GDE1: variants seen among roughly 807,000 people sequenced by gnomAD.
GDE1 encodes RGS16-interacting membrane protein.
GDE1 carries 24 observed loss-of-function variants against 32.2 expected under a neutral mutation model. The ratio of observed to expected loss-of-function variants is 0.75; its 90% confidence interval spans 0.54 to 1.05. The LOEUF (loss-of-function observed/expected upper bound fraction) is 1.05. Ranked by LOEUF, GDE1 falls within the 50% of genes least tolerant of loss-of-function variation. The pLI is 0.00. For synonymous variants in GDE1, 159 were observed against 158.6 expected, an observed-to-expected ratio of 1.00 and a Z score of -0.02; for missense variants, 380 against 415.0, an observed-to-expected ratio of 0.92 and a Z score of 0.73.
At chr16:19,515,343 C>A (rs1969368157) in intron 2 of GDE1, among the ~76,000 whole-genome samples, 1 of 152,124 alleles carries the variant, frequency 6.6e-6, no homozygotes, top group African/African-American at 2.4e-5. Context: ...ACACTCTGTT[C>A]CAATAGTGGA....
At chr16:19,507,851 A>C in intron 3 of GDE1, 72 bp from the exon 4 acceptor site, 1 of 726,714 alleles carries the variant, frequency 1.4e-6, no homozygotes, top group Non-Finnish European at 2.4e-6. Flanking sequence ...AATAACTATC[A>C]CATATTAAGT....
intron 3 of GDE1, among the ~76,000 whole-genome samples, chr16:19,508,641 TTC>T (rs1555487939): frequency 3.3e-5 from 5 of 152,178 alleles, no homozygotes; most frequent in African/African-American, 7.2e-5. Flanking sequence ...GCATTTTTTT[TTC>T]TGTTTGAACA....
intron 5 of GDE1, 25 bp from the exon 6 acceptor site, chr16:19,503,642 T>G: frequency 6.2e-7 from 1 of 1,603,954 alleles, no homozygotes; most frequent in Non-Finnish European, 8.5e-7. Context: ...AAGCCAATCC[T>G]GTTAGAATAA....
intron 3 of GDE1, among the ~76,000 whole-genome samples, chr16:19,508,532 G>A (rs1324675394): frequency 6.6e-6 from 1 of 152,140 alleles, no homozygotes; most frequent in Non-Finnish European, 1.5e-5. Context: ...AACCAAATAT[G>A]ATGAGCAAAA....
Position 19,510,994 on chromosome 16 carries a change from C to T in GDE1, c.438-50G>A, listed in dbSNP as rs184445084. On this transcript the variant is annotated intron_variant, in intron 2 of 5. Coordinates refer to ENST00000353258, the MANE Select transcript of GDE1 (RefSeq NM_016641.4). Reference sequence around the variant, plus strand: ...GTAGGAAAAAAGAGAAACAGATAAACTGTATTGCAACAAACATTTTGCATA... The same window carrying T: ...GTAGGAAAAAAGAGAAACAGATAAATTGTATTGCAACAAACATTTTGCATA... 45 of 884,766 alleles carry T rather than the reference C, an allele frequency of 5.1e-5. No individual in the cohort carries two copies. The African/African-American group carries it at 6.3e-4, about 12-fold the overall frequency. The allele number at this position is 884,766 out of a possible 1,614,324, so 54.8% of individuals were successfully genotyped here.
intron 3 of GDE1, among the ~76,000 whole-genome samples, chr16:19,509,919 G>A (rs1226575479): frequency 6.6e-6 from 1 of 151,938 alleles, no homozygotes; most frequent in Non-Finnish European, 1.5e-5. Flanking sequence ...CCAAAGTGCT[G>A]GGATTACAGG....
chr16:19,518,063 T>C (rs1484665019), intron 1 of GDE1, among the ~76,000 whole-genome samples: 1 of 152,062 alleles, frequency 6.6e-6, no homozygotes, highest in African/African-American at 2.4e-5. Context: ...AATTTTTGTA[T>C]TTTTTGTAGA....
intron 5 of GDE1, 64 bp from the exon 6 acceptor site, chr16:19,503,681 G>T (rs1429195372): frequency 7.3e-7 from 1 of 1,365,482 alleles, no homozygotes; most frequent in Admixed American, 1.7e-5. Flanking sequence ...ATCCATAATG[G>T]CCACTAAGTA....
intron 2 of GDE1, among the ~76,000 whole-genome samples, chr16:19,511,331 T>C (rs910063901): frequency 1.3e-5 from 2 of 152,176 alleles, no homozygotes; most frequent in African/African-American, 2.4e-5. Flanking sequence ...CTTGAACTCC[T>C]GACCTCAAGT....
At position 19,511,293 on chromosome 16, in the gene GDE1, G is replaced by A. The variant is rs751531585; in HGVS notation, c.438-349C>T. Among the ~76,000 whole-genome samples the A allele has an allele frequency of 3.3e-5, 5 of 151,908 alleles. No individual in the cohort carries two copies. In the East Asian group the frequency reaches 7.8e-4, roughly 24 times the overall value. ...AATTTTTTGTGTTTTTAGTAGAGGCGGGGTTTCACCATGGTGGCCAGGCTG... is the reference window on the plus strand; with the variant it reads ...AATTTTTTGTGTTTTTAGTAGAGGCAGGGTTTCACCATGGTGGCCAGGCTG... On this transcript the variant is annotated intron_variant, in intron 2 of 5. Coordinates refer to ENST00000353258, the MANE Select transcript of GDE1 (RefSeq NM_016641.4).
chr16:19,502,538 C>T lies in GDE1; in HGVS notation c.*932G>A, dbSNP rs915969419. 5.3e-5 allele frequency: 8 copies of T among 151,890 alleles called. No homozygotes were observed. Among genetic ancestry groups the T allele is most frequent in the Admixed American group, 4.6e-4 (7 of 15,236 alleles). 9.4% of individuals were successfully genotyped at this position (151,890 alleles called of 1,614,324 possible). ...GAGTAGCTGGGAATACAGGCATGCA[C>T]CACCATGCCTAATTTTTTAGAGATG... On this transcript the variant is annotated 3_prime_UTR_variant, in exon 6 of 6. Coordinates refer to ENST00000353258, the MANE Select transcript of GDE1 (RefSeq NM_016641.4).
Position 19,510,905 on chromosome 16 carries a change from T to C in GDE1, c.477A>G (p.Glu159=), listed in dbSNP as rs377292447. ...TATGGTTTAGGCACTCTGCAACAGC[T>C]TCCCTTAGGGTAGGGATCTTTTCAT... ...FPDEKIPTLR[E]AVAECLNHNL... The change falls in exon 3 of 6, where the codon GAA becomes GAG. Residue 159 remains glutamate, a synonymous_variant. Transcript: ENST00000353258. 41 of 1,602,444 alleles carry C rather than the reference T, an allele frequency of 2.6e-5. No homozygotes were observed. Among genetic ancestry groups the C allele is most frequent in the Admixed American group, 3.4e-5 (2 of 59,258 alleles).
chr16:19,514,429 T>TATTGAATTAATAA (rs1479718475), intron 2 of GDE1, among the ~76,000 whole-genome samples: 1 of 152,232 alleles, frequency 6.6e-6, no homozygotes, highest in African/African-American at 2.4e-5. Flanking sequence ...ACTGAATTTC[T>TATTGAATTAATAA]ATTGAATTAA....
intron 5 of GDE1, 66 bp from the exon 6 acceptor site, chr16:19,503,683 C>A: frequency 7.4e-7 from 1 of 1,345,946 alleles, no homozygotes; most frequent in Non-Finnish European, 1.1e-6. Flanking sequence ...CCATAATGGC[C>A]ACTAAGTATG....
At chr16:19,505,404 C>T (rs1235989985) in intron 4 of GDE1, among the ~76,000 whole-genome samples, 3 of 152,116 alleles carry the variant, frequency 2.0e-5, no homozygotes, top group Non-Finnish European at 4.4e-5. Flanking sequence ...TTTTAATTGG[C>T]TATTGACTTA....
chr16:19,510,411 T>C (rs1340961486), intron 3 of GDE1, among the ~76,000 whole-genome samples: 1 of 152,208 alleles, frequency 6.6e-6, no homozygotes, highest in East Asian at 1.9e-4. Context: ...GAATTCTCTT[T>C]AAATGCAGTC....
At chr16:19,508,244 C>T (rs1969273333) in intron 3 of GDE1, among the ~76,000 whole-genome samples, 1 of 152,152 alleles carries the variant, frequency 6.6e-6, no homozygotes, top group South Asian at 2.1e-4. Context: ...TTACCCATCA[C>T]CAATATGGAG....
intron 5 of GDE1, 171 bp downstream of exon 5, chr16:19,504,710 A>C (rs571813541): frequency 1.1e-4 from 64 of 579,308 alleles, no homozygotes; most frequent in African/African-American, 7.5e-4. Context: ...AAAACAGTGA[A>C]ATATGCCTGA....
chr16:19,511,427 TATAG>T (rs928254640), intron 2 of GDE1, among the ~76,000 whole-genome samples: 3 of 152,166 alleles, frequency 2.0e-5, no homozygotes, highest in African/African-American at 7.2e-5. Flanking sequence ...TGAACCAAAT[TATAG>T]ATATTCTTTT....
Sources: allele counts gnomAD v4.1 joint callset (sites outside exome capture counted in the v4.1 genomes callset), GRCh38; gene constraint gnomAD v4.1.1; transcripts MANE v1.5; gene names NCBI Gene and HGNC (gene_info 2026-07-23, HGNC 2026-07-21).